The following FAM13B variants were observed in gnomAD, a reference collection of about 807,000 sequenced individuals.
FAM13B encodes the protein protein FAM13B.
A neutral mutation model predicts 117.3 loss-of-function variants in FAM13B; 60 were observed. The observed-to-expected ratio is 0.51, with a 90% CI of 0.42 to 0.63. The LOEUF (loss-of-function observed/expected upper bound fraction) is 0.63. Among genes scored for constraint, FAM13B ranks in the 30% least tolerant of loss-of-function variants. The probability of loss-of-function intolerance (pLI) is 0.00; values close to 1 mark genes in which losing one functional copy is unlikely to be tolerated. For missense variants in FAM13B, 972 were observed against 1,091.9 expected (o/e 0.89, Z 1.55); for synonymous variants, 332 against 356.1 (o/e 0.93, Z 0.76).
At chr5:137,946,436 G>T in intron 18 of FAM13B, 125 bp from the exon 19 acceptor site, 1 of 652,630 alleles carries the variant, frequency 1.5e-6, no homozygotes. Context: ...AAGGGCAGAC[G>T]ATCAACAGTC....
At chr5:138,032,571 C>T (rs1484408314) in intron 1 of FAM13B, among the ~76,000 whole-genome samples, 2 of 152,230 alleles carry the variant, frequency 1.3e-5, no homozygotes, top group African/African-American at 4.8e-5. Context: ...CCCCGGCAGC[C>T]AGGGACACGG....
intron 7 of FAM13B, among the ~76,000 whole-genome samples, chr5:138,003,602 T>C (rs1480018195): frequency 1.3e-5 from 2 of 152,158 alleles, no homozygotes; most frequent in Admixed American, 6.5e-5. Flanking sequence ...AATAGCCCTG[T>C]TTTCCCATGG....
At chr5:138,039,444 T>A (rs991396304) in intron 1 of FAM13B, 14 of 152,172 alleles carry the variant, frequency 9.2e-5, no homozygotes, top group Non-Finnish European at 1.3e-4. Flanking sequence ...CCAGCCAAGT[T>A]GCTTCTCAGC....
Position 137,942,926 on chromosome 5 carries a change from T to G in FAM13B, c.2537A>C (p.Gln846Pro). 6.2e-7 allele frequency: 1 copy of G among 1,613,748 alleles called. No homozygotes were observed. Among genetic ancestry groups the G allele is most frequent in the Non-Finnish European group, 8.5e-7 (1 of 1,179,930 alleles). ...TCGGAGATCCAGAGCCAGTTTTTCTTGATTTTCTTCAACATCAGATTCAGA... is the reference window on the plus strand; with the variant it reads ...TCGGAGATCCAGAGCCAGTTTTTCTGGATTTTCTTCAACATCAGATTCAGA... ...ENSESDVEENQEKLALDLRLS... is the reference protein window; with the variant it reads ...ENSESDVEENPEKLALDLRLS... The change falls in exon 22 of 24, where the codon CAA becomes CCA. Residue 846 changes from glutamine to proline, a missense_variant. Physicochemically the swap from Gln to Pro is moderately conservative, Grantham distance 76. Coordinates refer to ENST00000689681, the MANE Select transcript of FAM13B (RefSeq NM_001385994.1).
Position 138,030,723 on chromosome 5 carries a change from A to ACC in FAM13B, c.-203+2058_-203+2059insGG, listed in dbSNP as rs1280399259. Among the ~76,000 whole-genome samples, 152 of 96,990 alleles carry ACC rather than the reference A, an allele frequency of 1.6e-3. 4 individuals carry two copies. Among genetic ancestry groups the ACC allele is most frequent in the Middle Eastern group, 0.014 (3 of 220 alleles). 63.6% of individuals were successfully genotyped at this position (96,990 alleles called of 152,430 possible). On this transcript the variant is annotated intron_variant, in intron 1 of 23. Transcript: ENST00000689681. ...GAATGAAACTCCGTCCCCCCCCCCC[A>ACC]AAAAAAAAAATTGAACGTAAGGCTG... is the stretch of plus-strand genomic sequence containing the variant.
At chr5:138,036,550 TA>T (rs1352761208), upstream of FAM13B, 1 of 456,640 alleles carries the variant, frequency 2.2e-6, no homozygotes, top group East Asian at 6.9e-5. Context: ...CGACTTGAAG[TA>T]AAAGGCAGGC....
At position 137,966,486 on chromosome 5, in the gene FAM13B, T is replaced by TAGAGAG. The variant is rs1244578551; in HGVS notation, c.1180-4018_1180-4017insCTCTCT. Among the ~76,000 whole-genome samples the TAGAGAG allele has an allele frequency of 5.9e-3, 259 of 43,982 alleles. 2 individuals carry two copies. Among genetic ancestry groups the TAGAGAG allele is most frequent in the South Asian group, 8.7e-3 (9 of 1,034 alleles). The allele number at this position is 43,982 out of a possible 152,430, so 28.9% of individuals were successfully genotyped here. A position where few individuals can be genotyped will look rare whatever the true frequency, so the allele number is the denominator to read the frequency against. On this transcript the variant is annotated intron_variant, in intron 10 of 23. Transcript: ENST00000689681. Reference sequence around the variant, plus strand: ...ATATATATATATATATATATATATATATAGAGAGAGAGAGAGAGAGAGAGA... The same window carrying TAGAGAG: ...ATATATATATATATATATATATATATAGAGAGATAGAGAGAGAGAGAGAGAGAGAGA...
At chr5:137,962,117 G>A (rs1463714396) in intron 11 of FAM13B, among the ~76,000 whole-genome samples, 8 of 152,146 alleles carry the variant, frequency 5.3e-5, no homozygotes, top group Non-Finnish European at 8.8e-5. Flanking sequence ...CAGAATATCA[G>A]TAAATTCCCA....
intron 4 of FAM13B, among the ~76,000 whole-genome samples, chr5:138,017,791 T>C (rs192949801): frequency 1.3e-5 from 2 of 152,338 alleles, no homozygotes; most frequent in Admixed American, 1.3e-4. Flanking sequence ...GCTTAGAGTC[T>C]AATGTTCAAT....
chr5:138,020,091 G>T, intron 2 of FAM13B: 2 of 786,390 alleles, frequency 2.5e-6, no homozygotes, highest in Non-Finnish European at 3.1e-6. Context: ...ACAGAGTTTC[G>T]CTCTTTTTGC....
chr5:138,007,135 A>G lies in FAM13B; in HGVS notation c.703T>C (p.Ser235Pro), dbSNP rs1782751632. Residue 235 changes from serine to proline, a missense_variant, in exon 7 of 24, where the codon TCT (serine) becomes CCT (proline). Physicochemically the swap from Ser to Pro is moderately conservative, Grantham distance 74. Transcript: ENST00000689681. The part of the protein sequence containing the change: ...SSITEQVNEL[S>P]EEEEEDEKLE... The stretch of plus-strand genomic sequence containing the variant: ...TTTTCATCTTCCTCTTCTTCCTCAG[A>G]AAGTTCATTAACCTATATAAATAAA... 6.8e-6 allele frequency: 11 copies of G among 1,607,968 alleles called. No homozygotes were observed. Among genetic ancestry groups the G allele is most frequent in the Non-Finnish European group, 9.3e-6 (11 of 1,177,844 alleles).
At chr5:137,944,893 A>AACATCGGGTACT (rs879777559) in intron 20 of FAM13B, among the ~76,000 whole-genome samples, 2 of 151,962 alleles carry the variant, frequency 1.3e-5, no homozygotes, top group African/African-American at 2.4e-5. Context: ...GTGGGAGCTA[A>AACATCGGGTACT]ACATCGGGTA....
chr5:137,981,418 G>GCCTGGGAAAGAGTGAGAC (rs1273344386), intron 10 of FAM13B, among the ~76,000 whole-genome samples: 6 of 151,998 alleles, frequency 3.9e-5, no homozygotes, highest in Non-Finnish European at 7.4e-5. Context: ...CTGCACTCCA[G>GCCTGGGAAAGAGTGAGAC]CCTGGGAAAG....
intron 10 of FAM13B, among the ~76,000 whole-genome samples, chr5:137,971,025 C>T (rs556120385): frequency 2.0e-5 from 3 of 151,874 alleles, no homozygotes; most frequent in South Asian, 4.2e-4. Flanking sequence ...GACTTTAACA[C>T]CCCACTGTCA....
chr5:138,017,506 A>C (rs1785561513), intron 4 of FAM13B, among the ~76,000 whole-genome samples: 1 of 152,238 alleles, frequency 6.6e-6, no homozygotes, highest in South Asian at 2.1e-4. Flanking sequence ...ATAATACCAA[A>C]AAAGCCTGAA....
At chr5:137,944,320 C>G (rs1288388812) in intron 20 of FAM13B, among the ~76,000 whole-genome samples, 1 of 152,090 alleles carries the variant, frequency 6.6e-6, no homozygotes, top group Non-Finnish European at 1.5e-5. Context: ...CAAAAGAAAA[C>G]AAATCATTCT....
chr5:137,942,059 G>T lies in FAM13B; in HGVS notation c.2589-14C>A. The T allele has an allele frequency of 6.3e-7, 1 of 1,592,776 alleles. No individual in the cohort carries two copies. The highest frequency in any genetic ancestry group is 8.6e-7 in the Non-Finnish European group (1 of 1,161,710). On this transcript the variant is annotated splice_polypyrimidine_tract_variant and intron_variant, in intron 22 of 23. Coordinates refer to ENST00000689681, the MANE Select transcript of FAM13B (RefSeq NM_001385994.1). The stretch of plus-strand genomic sequence containing the variant: ...AATAATTCAGGCCTAGAATTGAAAT[G>T]GTAAAATACTGAAGGGCACACTTGA...
intron 6 of FAM13B, among the ~76,000 whole-genome samples, chr5:138,008,691 T>C (rs905534241): frequency 1.3e-5 from 2 of 152,216 alleles, no homozygotes; most frequent in Non-Finnish European, 2.9e-5. Flanking sequence ...CTGAAATTGT[T>C]GTCATTTCTT....
rs144677933 is a variant in FAM13B at position 137,992,365 on chromosome 5, G to A, written c.849-4050C>T. On this transcript the variant is annotated intron_variant, in intron 7 of 23. Transcript: ENST00000689681. ...TCTCAGCACTTTGGGAGGCTAAGGC[G>A]GGCAGATCACCTGAGGTCGGGAGTT... is the stretch of plus-strand genomic sequence containing the variant. Among the ~76,000 whole-genome samples the A allele has an allele frequency of 6.1e-3, 912 of 149,468 alleles. 9 individuals are homozygous for A. The highest frequency in any genetic ancestry group is 0.021 in the African/African-American group (838 of 40,838).
Sources: allele counts gnomAD v4.1 joint callset (sites outside exome capture counted in the v4.1 genomes callset), GRCh38; gene constraint gnomAD v4.1.1; transcripts MANE v1.5; gene names NCBI Gene and HGNC (gene_info 2026-07-23, HGNC 2026-07-21).